The following RMI1 variants were observed in gnomAD, a reference collection of about 807,000 sequenced individuals.
The protein encoded by RMI1 is recQ-mediated genome instability protein 1.
RMI1 carries 36 observed loss-of-function variants against 46.7 expected under a neutral mutation model. That is an observed-to-expected ratio of 0.77 (90% CI 0.59 to 1.02). The LOEUF is 1.02. Ranked by LOEUF, RMI1 falls within the 50% of genes least tolerant of loss-of-function variation. The pLI is 0.00. For missense variants in RMI1, 676 were observed against 713.7 expected (o/e 0.95, Z 0.60); for synonymous variants, 250 against 252.9 (o/e 0.99, Z 0.11).
intron 1 of RMI1, among the ~76,000 whole-genome samples, chr9:83,989,032 A>G (rs1957530594): frequency 6.6e-6 from 1 of 151,900 alleles, no homozygotes; most frequent in Non-Finnish European, 1.5e-5. Flanking sequence ...AATTTTGTTT[A>G]TATTTTTGTA....
intron 2 of RMI1, among the ~76,000 whole-genome samples, chr9:84,000,562 G>C (rs1024524187): frequency 2.6e-5 from 4 of 152,184 alleles, no homozygotes; most frequent in African/African-American, 9.7e-5. Flanking sequence ...GGAGGCTAAT[G>C]TAACTACTGT....
Position 84,002,779 on chromosome 9 carries a change from C to T in RMI1, c.1793C>T (p.Pro598Leu). Reference sequence around the variant, plus strand: ...TGTCTAATGACTATTTCATTTAATCCTTCCTTGTCTAAAGCAATGGTACTG... The same window carrying T: ...TGTCTAATGACTATTTCATTTAATCTTTCCTTGTCTAAAGCAATGGTACTG... Reference protein sequence around the residue: ...LCCLMTISFNPSLSKAMVLAL... With the variant: ...LCCLMTISFNLSLSKAMVLAL... Residue 598 changes from proline to leucine, a missense_variant, in exon 3 of 3, where the codon CCT becomes CTT. Coordinates refer to ENST00000445877, the MANE Select transcript of RMI1 (RefSeq NM_001358291.2). 1 of 1,612,340 alleles carries T rather than the reference C, an allele frequency of 6.2e-7. No individual in the cohort carries two copies. Among genetic ancestry groups the T allele is most frequent in the Non-Finnish European group, 8.5e-7 (1 of 1,178,616 alleles).
intron 1 of RMI1, among the ~76,000 whole-genome samples, chr9:83,988,451 G>A (rs1254988390): frequency 1.3e-5 from 2 of 152,076 alleles, no homozygotes; most frequent in African/African-American, 4.8e-5. Context: ...CTACAGGCAT[G>A]CACCACAATG....
chr9:83,985,663 C>T (rs1264394621), intron 1 of RMI1, among the ~76,000 whole-genome samples: 1 of 152,172 alleles, frequency 6.6e-6, no homozygotes, highest in African/African-American at 2.4e-5. Context: ...CAGTGTTTTT[C>T]AGAATTCATC....
chr9:84,002,952 A>G lies in RMI1; in HGVS notation c.*88A>G. On this transcript the variant is annotated 3_prime_UTR_variant, in exon 3 of 3. Transcript: ENST00000445877. Reference sequence around the variant, plus strand: ...AATTTTACTTATGATACTTTGTGTAAAAAGGAAAAATGAAATTTCATAGCT... The same window carrying G: ...AATTTTACTTATGATACTTTGTGTAGAAAGGAAAAATGAAATTTCATAGCT... 1.2e-6 allele frequency: 1 copy of G among 806,066 alleles called. No homozygotes were observed. The allele number at this position is 806,066 out of a possible 1,614,324, so 49.9% of individuals were successfully genotyped here.
chr9:84,000,000 A>G (rs1487040721), intron 2 of RMI1, among the ~76,000 whole-genome samples: 1 of 152,216 alleles, frequency 6.6e-6, no homozygotes, highest in Admixed American at 6.5e-5. Context: ...ATTTAGCCCA[A>G]CAAATAAGAT....
rs1423961440 is a variant in RMI1, at chr9:84,002,884, G to A, written c.*20G>A. The A allele has an allele frequency of 4.5e-6, 6 of 1,324,234 alleles. No homozygotes were observed. Among genetic ancestry groups the A allele is most frequent in the South Asian group, 3.0e-5 (2 of 66,068 alleles). The allele number at this position is 1,324,234 out of a possible 1,614,324, so 82.0% of individuals were successfully genotyped here. A position where few individuals can be genotyped will look rare whatever the true frequency, so the allele number is the denominator to read the frequency against. ...AAATAATTAAACTAAAATAGTATTA[G>A]GAACAATTAAAAACAACAAGGAAAT... On this transcript the variant is annotated 3_prime_UTR_variant, in exon 3 of 3. Transcript: ENST00000445877.
At chr9:83,991,813 G>A (rs1355983607) in intron 1 of RMI1, among the ~76,000 whole-genome samples, 1 of 152,076 alleles carries the variant, frequency 6.6e-6, no homozygotes, top group African/African-American at 2.4e-5. Context: ...GTGTCTATTT[G>A]TAGACTGTCC....
chr9:83,981,005 G>A (rs1019356773), intron 1 of RMI1, 114 bp downstream of exon 1: 2 of 152,458 alleles, frequency 1.3e-5, no homozygotes, highest in Non-Finnish European at 2.9e-5. Flanking sequence ...CTGCGGCGCG[G>A]TAAGTGCGGG....
At chr9:83,996,675 G>A (rs772234031) in intron 1 of RMI1, among the ~76,000 whole-genome samples, 18 of 151,914 alleles carry the variant, frequency 1.2e-4, no homozygotes, top group Non-Finnish European at 2.4e-4. Flanking sequence ...AGATTAGTTC[G>A]TTCTTGTTCT....
At chr9:83,990,413 G>A (rs1352178591) in intron 1 of RMI1, among the ~76,000 whole-genome samples, 5 of 152,052 alleles carry the variant, frequency 3.3e-5, no homozygotes, top group African/African-American at 4.8e-5. Context: ...GGGAGGCTGA[G>A]GCAGGAGAAT....
At position 84,002,888 on chromosome 9, in the gene RMI1, CAATT is replaced by C; in HGVS notation, c.*27_*30del. On this transcript the variant is annotated 3_prime_UTR_variant, in exon 3 of 3. Coordinates refer to ENST00000445877, the MANE Select transcript of RMI1 (RefSeq NM_001358291.2). The stretch of plus-strand genomic sequence containing the variant: ...AATTAAACTAAAATAGTATTAGGAA[CAATT>C]AAAAACAACAAGGAAATATTTAGAA... 7.9e-7 allele frequency: 1 copy of C among 1,259,372 alleles called. No homozygotes were observed. The highest frequency in any genetic ancestry group is 2.4e-5 in the East Asian group (1 of 41,808). The allele number at this position is 1,259,372 out of a possible 1,614,324, so 78.0% of individuals were successfully genotyped here.
At chr9:83,984,765 G>A (rs1029194963) in intron 1 of RMI1, among the ~76,000 whole-genome samples, 5 of 152,094 alleles carry the variant, frequency 3.3e-5, no homozygotes, top group Admixed American at 3.3e-4. Flanking sequence ...GCTTCTCCAT[G>A]TTGGTCAGGC....
intron 1 of RMI1, among the ~76,000 whole-genome samples, chr9:83,997,283 G>A (rs1341635589): frequency 6.6e-6 from 1 of 151,648 alleles, no homozygotes; most frequent in Non-Finnish European, 1.5e-5. Flanking sequence ...AGCTAATTTT[G>A]TATTTTTAGT....
At position 84,002,021 on chromosome 9, in the gene RMI1, C is replaced by T. The variant is rs746566235; in HGVS notation, c.1035C>T (p.Ala345=). ...AACCATTGACTTTTAACAGAAATGC[C>T]GATCGAAGTATAGAGAGATTTTCAC... ...ELQPLTFNRN[A]DRSIERFSHN... The change falls in exon 3 of 3, where the codon GCC becomes GCT. Residue 345 remains alanine, a synonymous_variant. Transcript: ENST00000445877. 102 of 1,613,716 alleles carry T rather than the reference C, an allele frequency of 6.3e-5. No homozygotes were observed. The highest frequency in any genetic ancestry group is 4.9e-4 in the Middle Eastern group (3 of 6,082).
In RMI1 at chr9:84,003,593, A is replaced by C. The variant is rs952289204; in HGVS notation, c.*729A>C. The C allele has an allele frequency of 8.4e-5, 14 of 166,294 alleles. No homozygotes were observed. Among genetic ancestry groups the C allele is most frequent in the Non-Finnish European group, 1.8e-4 (12 of 68,104 alleles). 10.3% of individuals were successfully genotyped at this position (166,294 alleles called of 1,614,324 possible). ...GTTTATATTGTTAATCTTAGGGAAA[A>C]AAAATTAAAATCCAGTAGATCAGAA... On this transcript the variant is annotated 3_prime_UTR_variant, in exon 3 of 3. Transcript: ENST00000445877.
intron 1 of RMI1, among the ~76,000 whole-genome samples, chr9:83,994,810 G>A (rs539374310): frequency 3.3e-5 from 5 of 152,028 alleles, no homozygotes; most frequent in Non-Finnish European, 7.4e-5. Flanking sequence ...GAACCACCAC[G>A]TCTAGCTCCC....
chr9:84,001,531 T>G lies in RMI1; in HGVS notation c.545T>G (p.Leu182Trp). The change falls in exon 3 of 3, where the codon TTG becomes TGG. Residue 182 changes from leucine (L) to tryptophan (W), a missense_variant. Coordinates refer to ENST00000445877, the MANE Select transcript of RMI1 (RefSeq NM_001358291.2). The stretch of plus-strand genomic sequence containing the variant: ...TCTTTCCGTCTTGGTGTTCTCTTAT[T>G]GAAACCAGAAAACGTGAAAGTGTTA... The part of the protein sequence containing the change: ...NISFRLGVLL[L>W]KPENVKVLGG... 1.2e-6 allele frequency: 2 copies of G among 1,613,808 alleles called. No homozygotes were observed. Among genetic ancestry groups the G allele is most frequent in the South Asian group, 2.2e-5 (2 of 91,078 alleles).
intron 1 of RMI1, among the ~76,000 whole-genome samples, chr9:83,994,700 G>A (rs1429616773): frequency 1.3e-5 from 2 of 152,046 alleles, no homozygotes; most frequent in African/African-American, 2.4e-5. Flanking sequence ...TGTATGTTTT[G>A]TAGAGATGGG....
Sources: allele counts gnomAD v4.1 joint callset (sites outside exome capture counted in the v4.1 genomes callset), GRCh38; gene constraint gnomAD v4.1.1; transcripts MANE v1.5; gene names NCBI Gene and HGNC (gene_info 2026-07-23, HGNC 2026-07-21).